The following LIN7A variants were observed in gnomAD, a reference collection of about 807,000 sequenced individuals.
The protein encoded by LIN7A is protein lin-7 homolog A.
LIN7A carries 25 observed loss-of-function variants against 29.8 expected under a neutral mutation model. The ratio of observed to expected loss-of-function variants is 0.84; its 90% CI spans 0.61 to 1.17. The LOEUF (loss-of-function observed/expected upper bound fraction) is 1.17, where lower values mean the gene tolerates loss of function less well. Among genes scored for constraint, LIN7A ranks in the 50% most tolerant of loss-of-function variants. The probability of loss-of-function intolerance (pLI) is 0.00; values close to 1 mark genes in which losing one functional copy is unlikely to be tolerated. For missense variants in LIN7A, 239 were observed against 287.0 expected (o/e 0.83, Z 1.21); for synonymous variants, 118 against 107.5 (o/e 1.10, Z -0.60).
chr12:80,904,824 T>TA (rs1228366900), intron 1 of LIN7A, among the ~76,000 whole-genome samples: 1 of 152,198 alleles, frequency 6.6e-6, no homozygotes, highest in East Asian at 1.9e-4. Context: ...CATATATACC[T>TA]ATACATGTAG....
At chr12:80,861,903 T>A (rs1204256568) in intron 2 of LIN7A, among the ~76,000 whole-genome samples, 1 of 152,250 alleles carries the variant, frequency 6.6e-6, no homozygotes, top group African/African-American at 2.4e-5. Flanking sequence ...TGCACCAGAT[T>A]GTATGTAACC....
intron 5 of LIN7A, among the ~76,000 whole-genome samples, chr12:80,799,010 G>A (rs1870590942): frequency 6.6e-6 from 1 of 152,126 alleles, no homozygotes; most frequent in South Asian, 2.1e-4. Flanking sequence ...GGGATTACAG[G>A]TGTGAGCCAC....
chr12:80,911,427 C>A (rs907923033), intron 1 of LIN7A, among the ~76,000 whole-genome samples: 2 of 151,644 alleles, frequency 1.3e-5, no homozygotes, highest in African/African-American at 4.8e-5. Flanking sequence ...GAAATGCAAG[C>A]TTGGAGGTTG....
At chr12:80,809,465 A>T (rs1171613454) in intron 5 of LIN7A, among the ~76,000 whole-genome samples, 1 of 152,242 alleles carries the variant, frequency 6.6e-6, no homozygotes, top group African/African-American at 2.4e-5. Context: ...TAACAATATG[A>T]ACTGTCTTCT....
chr12:80,799,994 A>T (rs1311750132), intron 5 of LIN7A, among the ~76,000 whole-genome samples: 1 of 152,166 alleles, frequency 6.6e-6, no homozygotes, highest in Non-Finnish European at 1.5e-5. Flanking sequence ...AAAAAAATAA[A>T]ATAAAAAGAC....
intron 1 of LIN7A, among the ~76,000 whole-genome samples, chr12:80,890,585 T>G (rs1324561401): frequency 6.6e-6 from 1 of 152,152 alleles, no homozygotes; most frequent in Non-Finnish European, 1.5e-5. Context: ...AGTATCTAAC[T>G]GAATAAAATA....
intron 2 of LIN7A, among the ~76,000 whole-genome samples, chr12:80,859,870 G>A (rs1216080636): frequency 1.3e-5 from 2 of 152,038 alleles, no homozygotes; most frequent in Non-Finnish European, 2.9e-5. Flanking sequence ...ATGTTTATTA[G>A]TTTTTTAAAT....
chr12:80,800,050 A>G (rs1870640264), intron 5 of LIN7A, among the ~76,000 whole-genome samples: 1 of 152,202 alleles, frequency 6.6e-6, no homozygotes, highest in Non-Finnish European at 1.5e-5. Context: ...AAAGGAAGAG[A>G]AGACACAAAT....
intron 1 of LIN7A, among the ~76,000 whole-genome samples, chr12:80,894,917 C>T (rs1875807508): frequency 6.6e-6 from 1 of 152,200 alleles, no homozygotes; most frequent in Admixed American, 6.5e-5. Context: ...GATGAGTCAT[C>T]TGGCCCAAAG....
Position 80,936,099 on chromosome 12 carries a change from A to C in LIN7A, c.82+1542T>G, listed in dbSNP as rs146436490. 1.4e-3 allele frequency among the ~76,000 whole-genome samples: 206 copies of C among 152,306 alleles called. 1 individual carries two copies. Among genetic ancestry groups the C allele is most frequent in the African/African-American group, 4.6e-3 (192 of 41,576 alleles). On this transcript the variant is annotated intron_variant, in intron 1 of 5. Transcript: ENST00000552864. ...AAACATAAATACTTGGGAAGCTCATAGTTTCTGATAGCTTGCCATCTGTTT... is the reference window on the plus strand; with the variant it reads ...AAACATAAATACTTGGGAAGCTCATCGTTTCTGATAGCTTGCCATCTGTTT...
chr12:80,913,641 A>C (rs1197001590), intron 1 of LIN7A, among the ~76,000 whole-genome samples: 1 of 152,226 alleles, frequency 6.6e-6, no homozygotes, highest in Non-Finnish European at 1.5e-5. Flanking sequence ...TTCAGAAGGA[A>C]GCATCACACT....
intron 2 of LIN7A, among the ~76,000 whole-genome samples, chr12:80,856,351 T>C (rs1873599396): frequency 6.6e-6 from 1 of 152,200 alleles, no homozygotes; most frequent in Non-Finnish European, 1.5e-5. Flanking sequence ...AAATGAGTTA[T>C]AAAAGAGGGC....
intron 1 of LIN7A, chr12:80,936,863 C>T (rs1159652619): frequency 1.3e-5 from 2 of 152,200 alleles, no homozygotes; most frequent in African/African-American, 2.4e-5. Context: ...CTTCCGCAGC[C>T]TGGGCGCCGC....
At chr12:80,890,380 C>G (rs981402940) in intron 1 of LIN7A, among the ~76,000 whole-genome samples, 2 of 152,114 alleles carry the variant, frequency 1.3e-5, no homozygotes, top group African/African-American at 4.8e-5. Flanking sequence ...TCCCTGCCAT[C>G]AGCTTATAAA....
chr12:80,838,186 G>A (rs376625047), intron 4 of LIN7A, among the ~76,000 whole-genome samples: 268 of 152,230 alleles, frequency 1.8e-3, no homozygotes, highest in African/African-American at 5.9e-3. Context: ...GTTTAGCACC[G>A]ACTGACTGTG....
Position 80,795,172 on chromosome 12 carries a change from A to G in LIN7A, c.*2555T>C, listed in dbSNP as rs1343528595. The stretch of plus-strand genomic sequence containing the variant: ...GTTAATAATGAAGATAATTAGTATA[A>G]TACAAGTTGTGGTAATTTCCTTCTT... On this transcript the variant is annotated 3_prime_UTR_variant, in exon 6 of 6. Transcript: ENST00000552864. 8.5e-5 allele frequency: 13 copies of G among 152,188 alleles called. No individual in the cohort carries two copies. The highest frequency in any genetic ancestry group is 3.9e-4 in the Admixed American group (6 of 15,268). The allele number at this position is 152,188 out of a possible 1,614,324, so 9.4% of individuals were successfully genotyped here.
At chr12:80,874,724 C>G (rs552135144) in intron 2 of LIN7A, among the ~76,000 whole-genome samples, 1 of 152,302 alleles carries the variant, frequency 6.6e-6, no homozygotes, top group Non-Finnish European at 1.5e-5. Context: ...TGGCTCACGC[C>G]TGTAATCCCA....
intron 1 of LIN7A, among the ~76,000 whole-genome samples, chr12:80,929,038 A>C (rs1877750042): frequency 6.6e-6 from 1 of 152,060 alleles, no homozygotes. Context: ...TTTTCCAGAG[A>C]GTTTTTATAA....
At chr12:80,855,733 G>A (rs1873561676) in intron 2 of LIN7A, among the ~76,000 whole-genome samples, 1 of 152,078 alleles carries the variant, frequency 6.6e-6, no homozygotes, top group Non-Finnish European at 1.5e-5. Flanking sequence ...AAAATTAAGT[G>A]CCCTGATGTA....
Sources: allele counts gnomAD v4.1 joint callset (sites outside exome capture counted in the v4.1 genomes callset), GRCh38; gene constraint gnomAD v4.1.1; transcripts MANE v1.5; gene names NCBI Gene and HGNC (gene_info 2026-07-23, HGNC 2026-07-21).